The following UVRAG variants were observed in gnomAD, a reference collection of about 807,000 sequenced individuals.
UVRAG encodes UV radiation resistance-associated gene protein.
Under a neutral mutation model 78.0 loss-of-function variants are expected in UVRAG, and 19 were observed. The observed-to-expected ratio is 0.24, with a 90% CI of 0.17 to 0.36. The LOEUF (loss-of-function observed/expected upper bound fraction) is 0.36. UVRAG is among the 10% of genes least tolerant of loss of function. The probability of loss-of-function intolerance (pLI) is 1.00; values close to 1 mark genes in which losing one functional copy is unlikely to be tolerated. For synonymous variants in UVRAG, 323 were observed against 324.6 expected (o/e 1.00, Z 0.05); for missense variants, 740 against 853.8 (o/e 0.87, Z 1.66).
intron 13 of UVRAG, among the ~76,000 whole-genome samples, chr11:76,110,147 T>C (rs190470399): frequency 1.2e-3 from 186 of 151,442 alleles, no homozygotes; most frequent in African/African-American, 4.5e-3. Flanking sequence ...ACACCAGCTT[T>C]ATGCCCAGCC....
chr11:75,852,148 A>C lies in UVRAG; in HGVS notation c.235+148A>C, dbSNP rs979649403. The stretch of plus-strand genomic sequence containing the variant: ...TGAAAATATCTCATGAGCAGTTGGG[A>C]TGTATACTAAAGAAAGATGGCAGTT... On this transcript the variant is annotated intron_variant, in intron 2 of 14. Coordinates refer to ENST00000356136, the MANE Select transcript of UVRAG (RefSeq NM_003369.4). 7.1e-6 allele frequency: 4 copies of C among 564,590 alleles called. No individual in the cohort carries two copies. The African/African-American group carries it at 7.7e-5, about 11-fold the overall frequency. The allele number at this position is 564,590 out of a possible 1,614,324, so 35.0% of individuals were successfully genotyped here. A position where few individuals can be genotyped will look rare whatever the true frequency, so the allele number is the denominator to read the frequency against.
intron 1 of UVRAG, among the ~76,000 whole-genome samples, chr11:75,825,225 CAGCCTCCCGAGT>C (rs1476874466): frequency 3.3e-5 from 5 of 152,106 alleles, no homozygotes; most frequent in South Asian, 2.1e-4. Context: ...TCTCCTGCCT[CAGCCTCCCGAGT>C]AGCCTCCCGA....
intron 6 of UVRAG, among the ~76,000 whole-genome samples, chr11:75,959,420 G>A (rs935676188): frequency 4.6e-5 from 7 of 152,182 alleles, no homozygotes; most frequent in Non-Finnish European, 1.0e-4. Flanking sequence ...TCTAGAGGTG[G>A]CTTCTTTCCT....
intron 1 of UVRAG, among the ~76,000 whole-genome samples, chr11:75,832,549 A>C (rs1290935188): frequency 6.6e-6 from 1 of 152,226 alleles, no homozygotes; most frequent in Non-Finnish European, 1.5e-5. Flanking sequence ...TGGGTGTGCC[A>C]GCCTCCTAGC....
chr11:76,106,628 A>G (rs937288990), intron 13 of UVRAG, among the ~76,000 whole-genome samples: 1 of 152,142 alleles, frequency 6.6e-6, no homozygotes, highest in African/African-American at 2.4e-5. Context: ...TCGGCCTCCC[A>G]AAGTGCTGGG....
chr11:76,083,478 T>C (rs1469576865), intron 13 of UVRAG, among the ~76,000 whole-genome samples: 1 of 152,214 alleles, frequency 6.6e-6, no homozygotes, highest in African/African-American at 2.4e-5. Flanking sequence ...AAATGCCTAA[T>C]AGTAAACGAG....
intron 5 of UVRAG, among the ~76,000 whole-genome samples, chr11:75,903,213 G>A (rs1281175637): frequency 6.6e-6 from 1 of 151,996 alleles, no homozygotes; most frequent in Admixed American, 6.6e-5. Flanking sequence ...CCTCCTATCG[G>A]GTAGTTGGAC....
At chr11:75,864,362 ACT>A (rs760096444) in intron 3 of UVRAG, among the ~76,000 whole-genome samples, 8 of 151,704 alleles carry the variant, frequency 5.3e-5, no homozygotes, top group Non-Finnish European at 1.2e-4. Context: ...AGCCTAATTA[ACT>A]CTTTCTTTCT....
chr11:75,935,666 T>C (rs1053696435), intron 6 of UVRAG, among the ~76,000 whole-genome samples: 1 of 152,214 alleles, frequency 6.6e-6, no homozygotes, highest in African/African-American at 2.4e-5. Context: ...TGGAAATATT[T>C]CCAAACTTGA....
intron 14 of UVRAG, among the ~76,000 whole-genome samples, chr11:76,128,949 A>G (rs1196499587): frequency 1.3e-5 from 2 of 152,178 alleles, no homozygotes; most frequent in African/African-American, 4.8e-5. Context: ...CTCTTAATGG[A>G]TAGCAATCTA....
rs190969703 is a variant in UVRAG at position 75,875,936 on chromosome 11, C to T, written c.271-3943C>T. 1.6e-3 allele frequency among the ~76,000 whole-genome samples: 238 copies of T among 152,178 alleles called. 1 individual carries two copies. Among genetic ancestry groups the T allele is most frequent in the African/African-American group, 5.3e-3 (220 of 41,522 alleles). The stretch of plus-strand genomic sequence containing the variant: ...CCCCTGTAATCCTAGCACTTTGGGA[C>T]GCTGAGGTGGGAGCATTGCTTGAGC... On this transcript the variant is annotated intron_variant, in intron 3 of 14. Coordinates refer to ENST00000356136, the MANE Select transcript of UVRAG (RefSeq NM_003369.4).
chr11:76,091,851 ATTC>A (rs1951704412), intron 13 of UVRAG, among the ~76,000 whole-genome samples: 2 of 150,540 alleles, frequency 1.3e-5, no homozygotes, highest in African/African-American at 4.9e-5. Context: ...TTTTTTTATT[ATTC>A]TTTAAGTTCT....
intron 7 of UVRAG, among the ~76,000 whole-genome samples, chr11:75,970,952 A>G (rs973121956): frequency 5.9e-5 from 9 of 152,142 alleles, no homozygotes; most frequent in African/African-American, 2.2e-4. Flanking sequence ...TGTATTATGT[A>G]TCCATCATTA....
Position 76,140,861 on chromosome 11 carries a change from C to T in UVRAG, c.1548C>T (p.Tyr516=), listed in dbSNP as rs763227346. 4 of 1,614,138 alleles carry T rather than the reference C, an allele frequency of 2.5e-6. No individual in the cohort carries two copies. In the Admixed American group the frequency reaches 5.0e-5, roughly 20 times the overall value. Reference sequence around the variant, plus strand: ...GCTCTGAGAATGAGAGACTTCAGTACAAAACCCCTCCTCCCAGTTACAACT... The same window carrying T: ...GCTCTGAGAATGAGAGACTTCAGTATAAAACCCCTCCTCCCAGTTACAACT... ...RASSENERLQ[Y]KTPPPSYNSA... is the part of the protein sequence containing the mutation. Residue 516 remains tyrosine, a synonymous_variant, in exon 15 of 15, where the codon TAC becomes TAT. Transcript: ENST00000356136.
chr11:75,911,884 A>G, intron 5 of UVRAG, 70 bp from the exon 6 acceptor site: 5 of 1,053,782 alleles, frequency 4.7e-6, no homozygotes, highest in Non-Finnish European at 7.2e-6. Context: ...TAAAAAGACA[A>G]GCATGATTAA....
intron 6 of UVRAG, among the ~76,000 whole-genome samples, chr11:75,940,212 A>G (rs1008871421): frequency 6.6e-6 from 1 of 152,180 alleles, no homozygotes; most frequent in African/African-American, 2.4e-5. Context: ...GCTTTGAGAC[A>G]TTGGACAAGT....
At chr11:76,039,785 G>A (rs1950608107) in intron 12 of UVRAG, among the ~76,000 whole-genome samples, 1 of 152,216 alleles carries the variant, frequency 6.6e-6, no homozygotes, top group South Asian at 2.1e-4. Context: ...TGAGGCAGGA[G>A]GATCGCTTGA....
Position 75,956,388 on chromosome 11 carries a change from C to CTTTTTTTT in UVRAG, c.594-5047_594-5040dup, listed in dbSNP as rs1319171839. Among the ~76,000 whole-genome samples, 229 of 128,716 alleles carry CTTTTTTTT rather than the reference C, an allele frequency of 1.8e-3. 2 individuals carry two copies. The highest frequency in any genetic ancestry group is 6.1e-3 in the African/African-American group (214 of 35,054). 84.4% of individuals were successfully genotyped at this position (128,716 alleles called of 152,430 possible). A position where few individuals can be genotyped will look rare whatever the true frequency, so the allele number is the denominator to read the frequency against. ...GTGCAAAAGTAATTGCAATTCTTGC[C>CTTTTTTTT]TTTTTTTTTTTTTTTTGAGATGGAA... On this transcript the variant is annotated intron_variant, in intron 6 of 14. Transcript: ENST00000356136.
intron 12 of UVRAG, among the ~76,000 whole-genome samples, chr11:76,063,655 T>A (rs1435032188): frequency 6.6e-6 from 1 of 152,212 alleles, no homozygotes; most frequent in African/African-American, 2.4e-5. Flanking sequence ...TAAATTGTAT[T>A]GAATCTTCAT....
Sources: gnomAD v4.1 joint callset for allele counts (sites outside exome capture counted in the v4.1 genomes callset) on GRCh38, gnomAD v4.1.1 for gene constraint, MANE v1.5 for transcripts, NCBI Gene and HGNC (gene_info 2026-07-23, HGNC 2026-07-21) for gene names.